The following NINL variants were observed in gnomAD, a reference collection of about 807,000 sequenced individuals.
NINL encodes ninein-like protein.
NINL carries 153 observed loss-of-function variants against 160.3 expected under a neutral mutation model. That is an observed-to-expected ratio of 0.95 (90% CI 0.84 to 1.09). NINL has a LOEUF of 1.09. Among genes scored for constraint, NINL ranks in the 50% least tolerant of loss-of-function variants. NINL has a pLI of 0.00. For missense variants in NINL, 1,829 were observed against 1,764.0 expected (o/e 1.04, Z -0.66); for synonymous variants, 800 against 734.8 (o/e 1.09, Z -1.43).
At chr20:25,556,165 C>A (rs997717774) in intron 1 of NINL, among the ~76,000 whole-genome samples, 4 of 152,070 alleles carry the variant, frequency 2.6e-5, no homozygotes, top group Non-Finnish European at 5.9e-5. Context: ...GCTTGTAGTT[C>A]CAGATATTCA....
chr20:25,500,727 A>G, intron 8 of NINL, 113 bp downstream of exon 8: 1 of 1,141,756 alleles, frequency 8.8e-7, no homozygotes, highest in East Asian at 2.4e-5. Flanking sequence ...TTCTCTGCAC[A>G]GAGCACACAC....
chr20:25,568,307 T>C (rs891413244), intron 1 of NINL, among the ~76,000 whole-genome samples: 5 of 151,556 alleles, frequency 3.3e-5, no homozygotes, highest in African/African-American at 1.2e-4. Flanking sequence ...GCAGGCATAA[T>C]AGGATAATAA....
chr20:25,516,620 C>G (rs1294620720), intron 3 of NINL, among the ~76,000 whole-genome samples: 1 of 152,124 alleles, frequency 6.6e-6, no homozygotes, highest in Non-Finnish European at 1.5e-5. Context: ...TTTGATCATA[C>G]CTCCAAGCTC....
At chr20:25,488,174 G>A (rs1403291897) in intron 13 of NINL, among the ~76,000 whole-genome samples, 3 of 152,206 alleles carry the variant, frequency 2.0e-5, no homozygotes, top group Non-Finnish European at 4.4e-5. Context: ...GTGGCCCAGC[G>A]GGGCAGGTGA....
chr20:25,546,563 GACAA>G (rs1260433753), intron 1 of NINL, among the ~76,000 whole-genome samples: 1 of 152,108 alleles, frequency 6.6e-6, no homozygotes, highest in Non-Finnish European at 1.5e-5. Flanking sequence ...GAAGATAAAT[GACAA>G]ACAAGAAGGT....
At position 25,496,614 on chromosome 20, in the gene NINL, G is replaced by A. The variant is rs767869115; in HGVS notation, c.1310+49C>T. On this transcript the variant is annotated intron_variant, in intron 10 of 23. Transcript: ENST00000278886. ...CTGTGTCCACTACCTGCCCTCAAAG[G>A]GGCTGGGGAGGCCCAGGTAAGAATC... 3.1e-6 allele frequency: 5 copies of A among 1,604,482 alleles called. No individual in the cohort carries two copies. The Admixed American group carries it at 6.7e-5, about 22-fold the overall frequency.
chr20:25,515,887 C>T lies in NINL; in HGVS notation c.277+1866G>A, dbSNP rs151178233. Among the ~76,000 whole-genome samples, 223 of 152,272 alleles carry T rather than the reference C, an allele frequency of 1.5e-3. 1 individual carries two copies. The highest frequency in any genetic ancestry group is 5.0e-3 in the African/African-American group (209 of 41,556). ...CCAGGTTCACACCATTCTCCTGCCT[C>T]GGCCTCCCAAGTGTCTGGGACAACA... On this transcript the variant is annotated intron_variant, in intron 3 of 23. Transcript: ENST00000278886.
chr20:25,562,581 A>T (rs531848525), intron 1 of NINL, among the ~76,000 whole-genome samples: 1 of 136,450 alleles, frequency 7.3e-6, no homozygotes, highest in East Asian at 2.1e-4. Context: ...TTTGTTAAAC[A>T]GATGCTTGAA....
At chr20:25,501,073 A>C in intron 7 of NINL, 63 bp from the exon 8 acceptor site, 10 of 1,549,026 alleles carry the variant, frequency 6.5e-6, no homozygotes, top group African/African-American at 1.4e-5. Flanking sequence ...TGTGCTGCTG[A>C]TGTGCTCTCC....
At chr20:25,550,992 T>C (rs1057352334) in intron 1 of NINL, among the ~76,000 whole-genome samples, 2 of 152,174 alleles carry the variant, frequency 1.3e-5, no homozygotes, top group African/African-American at 4.8e-5. Context: ...GGGGAAACCT[T>C]GGACAATACC....
At chr20:25,572,378 G>A (rs1238497361) in intron 1 of NINL, among the ~76,000 whole-genome samples, 2 of 152,108 alleles carry the variant, frequency 1.3e-5, no homozygotes, top group Admixed American at 1.3e-4. Context: ...AGCCACTGGA[G>A]AGGTGTCTCT....
chr20:25,521,194 C>T (rs1484052357), intron 2 of NINL, among the ~76,000 whole-genome samples: 2 of 152,294 alleles, frequency 1.3e-5, no homozygotes, highest in East Asian at 3.9e-4. Flanking sequence ...AATGAATGGT[C>T]TCTTCAGCTG....
At chr20:25,466,147 G>A (rs2062907507) in intron 19 of NINL, among the ~76,000 whole-genome samples, 2 of 152,060 alleles carry the variant, frequency 1.3e-5, no homozygotes, top group South Asian at 2.1e-4. Context: ...TCAACCTCCT[G>A]AGTAGCTGGG....
chr20:25,530,704 C>G (rs563165376), intron 1 of NINL, among the ~76,000 whole-genome samples: 1 of 152,032 alleles, frequency 6.6e-6, no homozygotes, highest in East Asian at 1.9e-4. Context: ...AGCTGCAAAA[C>G]CAGCAAGTTT....
chr20:25,573,930 T>C (rs1422853749), intron 1 of NINL, among the ~76,000 whole-genome samples: 1 of 152,144 alleles, frequency 6.6e-6, no homozygotes, highest in East Asian at 1.9e-4. Context: ...AGCACACCTG[T>C]TCCTGGTGGT....
At chr20:25,535,938 C>T (rs73111208) in intron 1 of NINL, among the ~76,000 whole-genome samples, 6,154 of 152,214 alleles carry the variant, frequency 0.04, 210 homozygotes, top group Non-Finnish European at 0.06. Flanking sequence ...AAAGTCATTC[C>T]GCTTGGGACA....
At chr20:25,480,119 C>T (rs1443941083) in intron 15 of NINL, 42 bp downstream of exon 15, 5 of 1,426,208 alleles carry the variant, frequency 3.5e-6, no homozygotes, top group Non-Finnish European at 5.0e-6. Flanking sequence ...CAACACACAG[C>T]AGCTACTCCC....
At chr20:25,553,109 T>TTTTTG (rs2064824997) in intron 1 of NINL, among the ~76,000 whole-genome samples, 3 of 141,008 alleles carry the variant, frequency 2.1e-5, no homozygotes, top group South Asian at 2.5e-4. Flanking sequence ...GTTGGGTTTT[T>TTTTTG]TTTTTTTTTT....
chr20:25,492,792 A>G (rs946668289), intron 10 of NINL, among the ~76,000 whole-genome samples: 2 of 152,170 alleles, frequency 1.3e-5, no homozygotes, highest in African/African-American at 4.8e-5. Context: ...AAAAAAGGTG[A>G]AAGATATATA....
Sources: allele counts gnomAD v4.1 joint callset (sites outside exome capture counted in the v4.1 genomes callset), GRCh38; gene constraint gnomAD v4.1.1; transcripts MANE v1.5; gene names NCBI Gene and HGNC (gene_info 2026-07-23, HGNC 2026-07-21).